MTX2: variants seen among roughly 807,000 people sequenced by gnomAD.
The protein encoded by MTX2 is metaxin 2, also known as metaxin-2.
MTX2 carries 35 observed loss-of-function variants against 42.3 expected under a neutral mutation model. The observed-to-expected ratio is 0.83, with a 90% confidence interval of 0.63 to 1.10. The LOEUF (loss-of-function observed/expected upper bound fraction) is 1.10. MTX2 is among the 50% of genes least tolerant of loss of function. The pLI, the probability that MTX2 is intolerant of heterozygous loss-of-function variation, is 0.00. For missense variants in MTX2, 307 were observed against 304.1 expected (o/e 1.01, Z -0.07); for synonymous variants, 119 against 100.9 (o/e 1.18, Z -1.08).
intron 1 of MTX2, among the ~76,000 whole-genome samples, chr2:176,290,532 G>C (rs1420687207): frequency 1.3e-5 from 2 of 152,178 alleles, no homozygotes; most frequent in Non-Finnish European, 2.9e-5. Context: ...TTGGGAAAGA[G>C]AAGAGTAGAG....
In MTX2 at chr2:176,294,419, G is replaced by C. The variant is rs1420023517; in HGVS notation, c.41-2441G>C. Among the ~76,000 whole-genome samples the C allele has an allele frequency of 2.0e-5, 3 of 151,926 alleles. No individual in the cohort carries two copies. The East Asian group carries it at 5.8e-4, about 29-fold the overall frequency. Reference sequence around the variant, plus strand: ...CTGCCTCAGCCTCCTGAGTAGCTGGGATTACAGGCGCCAGCCACCACGCCC... The same window carrying C: ...CTGCCTCAGCCTCCTGAGTAGCTGGCATTACAGGCGCCAGCCACCACGCCC... On this transcript the variant is annotated intron_variant, in intron 1 of 9. Transcript: ENST00000249442.
At chr2:176,318,350 T>C (rs1204675777) in intron 3 of MTX2, among the ~76,000 whole-genome samples, 1 of 152,202 alleles carries the variant, frequency 6.6e-6, no homozygotes, top group Non-Finnish European at 1.5e-5. Context: ...GTATTCAATA[T>C]GTTGAAACTA....
chr2:176,311,624 C>T (rs946626484), intron 3 of MTX2, among the ~76,000 whole-genome samples: 5 of 152,224 alleles, frequency 3.3e-5, no homozygotes, highest in Non-Finnish European at 7.3e-5. Context: ...CACCCCTCCT[C>T]CAGCCAGGGG....
At chr2:176,302,332 C>T (rs1489385097) in intron 3 of MTX2, among the ~76,000 whole-genome samples, 1 of 152,052 alleles carries the variant, frequency 6.6e-6, no homozygotes, top group Non-Finnish European at 1.5e-5. Flanking sequence ...CTTTTTCTTA[C>T]TCTTTGTTAA....
intron 3 of MTX2, among the ~76,000 whole-genome samples, chr2:176,305,443 G>T: frequency 6.6e-6 from 1 of 152,024 alleles, no homozygotes. Context: ...TGGGTTACAA[G>T]AATTGTTCTT....
intron 1 of MTX2, chr2:176,270,285 C>T (rs761781065): frequency 5.7e-6 from 7 of 1,224,418 alleles, no homozygotes; most frequent in Non-Finnish European, 7.4e-6. Context: ...ATTCTCCTGC[C>T]TTAGCCTCCC....
At chr2:176,273,319 G>T (rs1692867878) in intron 1 of MTX2, among the ~76,000 whole-genome samples, 1 of 152,188 alleles carries the variant, frequency 6.6e-6, no homozygotes, top group Non-Finnish European at 1.5e-5. Context: ...GAAACCCTGT[G>T]TTTGACTTGT....
At chr2:176,325,218 A>C (rs530876501) in intron 4 of MTX2, among the ~76,000 whole-genome samples, 7 of 151,854 alleles carry the variant, frequency 4.6e-5, no homozygotes, top group African/African-American at 1.7e-4. Context: ...CTTTAGAATA[A>C]AAATTTTAAA....
Position 176,323,380 on chromosome 2 carries a change from C to A in MTX2, c.136-12C>A. 6.2e-7 allele frequency: 1 copy of A among 1,607,492 alleles called. No individual in the cohort carries two copies. Among genetic ancestry groups the A allele is most frequent in the Non-Finnish European group, 8.5e-7 (1 of 1,175,240 alleles). ...TTTTTACTGGGCTTATTGTATGTAT[C>A]TTGATTTACAGGCCTTTTTGCAAAT... On this transcript the variant is annotated splice_polypyrimidine_tract_variant and intron_variant, in intron 3 of 9. Transcript: ENST00000249442.
intron 3 of MTX2, among the ~76,000 whole-genome samples, chr2:176,309,024 C>T (rs1684225480): frequency 6.6e-6 from 1 of 152,164 alleles, no homozygotes; most frequent in African/African-American, 2.4e-5. Context: ...CTCTTGTCGG[C>T]ATTTAGTGCT....
chr2:176,276,317 T>C (rs980733571), intron 1 of MTX2, among the ~76,000 whole-genome samples: 4 of 152,242 alleles, frequency 2.6e-5, no homozygotes, highest in Non-Finnish European at 5.9e-5. Flanking sequence ...ATAGGTCATA[T>C]TGGCGGTCTG....
At chr2:176,274,135 A>G (rs1423006480) in intron 1 of MTX2, among the ~76,000 whole-genome samples, 10 of 152,030 alleles carry the variant, frequency 6.6e-5, no homozygotes, top group Non-Finnish European at 1.5e-5. Context: ...TTTGTTGTCT[A>G]GTTTTTTTTT....
chr2:176,289,867 C>T (rs543695454), intron 1 of MTX2, among the ~76,000 whole-genome samples: 1 of 151,934 alleles, frequency 6.6e-6, no homozygotes, highest in South Asian at 2.1e-4. Context: ...CATATTTTGG[C>T]ATGTATTATT....
chr2:176,270,151 G>T (rs1692766514), intron 1 of MTX2: 14 of 311,666 alleles, frequency 4.5e-5, no homozygotes, highest in South Asian at 4.2e-4. Context: ...AGTGCCATTT[G>T]CTAAGACTCT....
intron 3 of MTX2, among the ~76,000 whole-genome samples, chr2:176,302,126 G>GTTTTTTTT (rs80143449): frequency 1.9e-4 from 24 of 125,254 alleles, no homozygotes; most frequent in African/African-American, 6.9e-4. Flanking sequence ...AAAAGCTGGT[G>GTTTTTTTT]TTTTTTTTTT....
At chr2:176,306,823 G>C (rs1318599214) in intron 3 of MTX2, among the ~76,000 whole-genome samples, 1 of 152,054 alleles carries the variant, frequency 6.6e-6, no homozygotes, top group African/African-American at 2.4e-5. Context: ...TGTCGGATGG[G>C]TAGTTTGCAA....
intron 1 of MTX2, among the ~76,000 whole-genome samples, chr2:176,275,515 A>C (rs771380827): frequency 6.6e-6 from 1 of 152,188 alleles, no homozygotes; most frequent in African/African-American, 2.4e-5. Flanking sequence ...CTGAGATTAC[A>C]GGTGTGAGCC....
intron 8 of MTX2, among the ~76,000 whole-genome samples, chr2:176,329,878 T>C (rs552293786): frequency 0.013 from 1,300 of 97,700 alleles, 19 homozygotes; most frequent in African/African-American, 0.048. Context: ...TACAGTACTT[T>C]GTCCGTCTGT....
intron 1 of MTX2, among the ~76,000 whole-genome samples, chr2:176,275,874 G>T (rs961796902): frequency 6.6e-6 from 1 of 152,154 alleles, no homozygotes; most frequent in Non-Finnish European, 1.5e-5. Flanking sequence ...ACAAAAGAAG[G>T]GAGAGAGGTG....
Sources: allele counts gnomAD v4.1 joint callset (sites outside exome capture counted in the v4.1 genomes callset), GRCh38; gene constraint gnomAD v4.1.1; transcripts MANE v1.5; gene names NCBI Gene and HGNC (gene_info 2026-07-23, HGNC 2026-07-21).